Variants in LARP1B observed in about 807,000 individuals in gnomAD.
LARP1B encodes la-related protein 1B.
In LARP1B, 76 loss-of-function variants were observed where a neutral mutation model predicts 114.2. The ratio of observed to expected loss-of-function variants is 0.67; its 90% CI spans 0.55 to 0.81. The LOEUF is 0.81. Among genes scored for constraint, LARP1B ranks in the 30% least tolerant of loss-of-function variants. The pLI is 0.00. For synonymous variants in LARP1B, 345 were observed against 348.0 expected (o/e 0.99, Z 0.10); for missense variants, 1,014 against 1,075.8 (o/e 0.94, Z 0.80).
At chr4:128,135,942 A>T (rs757623162) in intron 11 of LARP1B, among the ~76,000 whole-genome samples, 1 of 152,152 alleles carries the variant, frequency 6.6e-6, no homozygotes, top group Non-Finnish European at 1.5e-5. Context: ...ATTATTAAAA[A>T]TTATTTTAAA....
Position 128,082,228 on chromosome 4 carries a change from C to G in LARP1B, c.281C>G (p.Pro94Arg). ...GTAAGATCAGAGAGTCAAGAAAGAC[C>G]TGGATCCCGGAACAGCTCAAGATGT... Reference protein sequence around the residue: ...DVVRSESQERPGSRNSSRCQP... With the variant: ...DVVRSESQERRGSRNSSRCQP... Residue 94 changes from proline (P) to arginine (R), a missense_variant, in exon 5 of 20, where the codon CCT becomes CGT. By Grantham distance (103) the Pro-to-Arg change is moderately radical. Coordinates refer to ENST00000326639, the MANE Select transcript of LARP1B (RefSeq NM_018078.4). The G allele has an allele frequency of 6.2e-7, 1 of 1,613,176 alleles. No individual in the cohort carries two copies. The highest frequency in any genetic ancestry group is 8.5e-7 in the Non-Finnish European group (1 of 1,179,816).
intron 11 of LARP1B, among the ~76,000 whole-genome samples, chr4:128,161,128 T>A (rs1738274791): frequency 6.6e-6 from 1 of 152,212 alleles, no homozygotes; most frequent in Admixed American, 6.5e-5. Flanking sequence ...GAAGAAATAG[T>A]GGAGTGTAAG....
chr4:128,116,391 A>G (rs1361883120), intron 10 of LARP1B, among the ~76,000 whole-genome samples: 1 of 152,194 alleles, frequency 6.6e-6, no homozygotes, highest in Non-Finnish European at 1.5e-5. Context: ...TTACAACTGT[A>G]TCTGAATGTA....
At chr4:128,122,654 G>A (rs12509092) in intron 11 of LARP1B, 910,250 of 1,420,938 alleles carry the variant, frequency 0.64, 295,421 homozygotes, top group Middle Eastern at 0.82. Flanking sequence ...AGTCTATGGT[G>A]CATGATCTAA....
rs1267914929 is a variant in LARP1B, at chr4:128,181,288, A to G, written c.2003+1776A>G. Among the ~76,000 whole-genome samples the G allele has an allele frequency of 4.0e-5, 6 of 150,400 alleles. No homozygotes were observed. The Admixed American group carries it at 4.0e-4, about 10-fold the overall frequency. ...AACTTCCGGCTCCCAGGTTCAGGTG[A>G]GGACTCAACCTCCTGAGTAGCTGGG... On this transcript the variant is annotated intron_variant, in intron 15 of 19. Transcript: ENST00000326639.
chr4:128,196,644 G>T (rs1315480308), intron 15 of LARP1B, among the ~76,000 whole-genome samples: 1 of 151,562 alleles, frequency 6.6e-6, no homozygotes, highest in East Asian at 1.9e-4. Context: ...GCCCAGGCTG[G>T]AGTGCAGTGG....
chr4:128,168,119 G>T (rs72924424), intron 12 of LARP1B, among the ~76,000 whole-genome samples: 36 of 152,056 alleles, frequency 2.4e-4, no homozygotes, highest in African/African-American at 6.3e-4. Flanking sequence ...CATTTCACTT[G>T]GGTAAATGCT....
intron 5 of LARP1B, among the ~76,000 whole-genome samples, chr4:128,083,474 G>T (rs1445082901): frequency 6.7e-6 from 1 of 150,326 alleles, no homozygotes; most frequent in East Asian, 2.0e-4. Flanking sequence ...CTCCCGGACG[G>T]AGAGGCTGGC....
intron 15 of LARP1B, among the ~76,000 whole-genome samples, chr4:128,193,547 G>A (rs548724411): frequency 2.0e-5 from 3 of 151,934 alleles, no homozygotes; most frequent in African/African-American, 4.8e-5. Context: ...TAGACCATTT[G>A]ATAATACCCA....
chr4:128,212,442 G>A (rs565810825), downstream of LARP1B, among the ~76,000 whole-genome samples: 52 of 151,830 alleles, frequency 3.4e-4, no homozygotes, highest in Non-Finnish European at 6.9e-4. Flanking sequence ...TCAGAAATGC[G>A]AGACCAGCCT....
intron 8 of LARP1B, among the ~76,000 whole-genome samples, chr4:128,098,918 C>T (rs1330753986): frequency 6.7e-6 from 1 of 149,938 alleles, no homozygotes; most frequent in East Asian, 2.0e-4. Flanking sequence ...GCTGGGACTA[C>T]AAGCACGCAC....
intron 12 of LARP1B, among the ~76,000 whole-genome samples, chr4:128,167,676 A>C (rs944684412): frequency 9.2e-5 from 14 of 151,970 alleles, no homozygotes; most frequent in Admixed American, 7.9e-4. Context: ...CACACCATTT[A>C]TGTATATTAT....
At chr4:128,179,588 C>A in intron 15 of LARP1B, 76 bp downstream of exon 15, 3 of 870,482 alleles carry the variant, frequency 3.4e-6, no homozygotes, top group Non-Finnish European at 5.3e-6. Context: ...TTGGATATTT[C>A]AAAATATTTA....
intron 15 of LARP1B, among the ~76,000 whole-genome samples, chr4:128,196,889 T>C (rs1387609983): frequency 6.6e-6 from 1 of 152,216 alleles, no homozygotes; most frequent in African/African-American, 2.4e-5. Flanking sequence ...TTTTGATTTA[T>C]GCTGCTACAT....
intron 11 of LARP1B, chr4:128,123,584 A>T: frequency 2.5e-6 from 1 of 393,126 alleles, no homozygotes; most frequent in Non-Finnish European, 3.5e-6. Context: ...TACCAATGAC[A>T]ATAGGATTTT....
chr4:128,172,280 G>C (rs1355315243), intron 12 of LARP1B, among the ~76,000 whole-genome samples: 1 of 151,686 alleles, frequency 6.6e-6, no homozygotes, highest in Non-Finnish European at 1.5e-5. Context: ...GATTGCTTTG[G>C]TGTACTTTTC....
At chr4:128,136,518 A>C (rs1252043082) in intron 11 of LARP1B, among the ~76,000 whole-genome samples, 1 of 152,210 alleles carries the variant, frequency 6.6e-6, no homozygotes, top group Non-Finnish European at 1.5e-5. Context: ...AATATATGAA[A>C]CAAAAGTTGG....
intron 1 of LARP1B, 143 bp downstream of exon 1, chr4:128,061,544 C>T (rs955016517): frequency 1.4e-5 from 5 of 369,782 alleles, no homozygotes; most frequent in African/African-American, 8.8e-5. Context: ...TGCGCGGCCT[C>T]GGCGGGCGGC....
intron 11 of LARP1B, among the ~76,000 whole-genome samples, chr4:128,142,470 A>G (rs910071581): frequency 4.6e-5 from 7 of 151,930 alleles, no homozygotes; most frequent in Non-Finnish European, 1.5e-5. Context: ...TCCAGGTGCC[A>G]CAGTTCCATT....
Sources: allele counts gnomAD v4.1 joint callset (sites outside exome capture counted in the v4.1 genomes callset), GRCh38; gene constraint gnomAD v4.1.1; transcripts MANE v1.5; gene names NCBI Gene and HGNC (gene_info 2026-07-23, HGNC 2026-07-21).